The following MAGI3 variants were observed in gnomAD, a reference collection of about 807,000 sequenced individuals.
MAGI3 encodes the protein membrane associated guanylate kinase, WW and PDZ domain containing 3, also known as membrane-associated guanylate kinase, WW and PDZ domain-containing protein 3.
Under a neutral mutation model 121.8 loss-of-function variants are expected in MAGI3, and 43 were observed. The observed-to-expected ratio is 0.35, with a 90% CI of 0.28 to 0.46. MAGI3 has a LOEUF of 0.46. Ranked by LOEUF, MAGI3 falls within the 20% of genes least tolerant of loss-of-function variation. The pLI, the probability that MAGI3 is intolerant of heterozygous loss-of-function variation, is 1.00. For missense variants in MAGI3, 1,547 were observed against 1,797.3 expected (o/e 0.86, Z 2.52); for synonymous variants, 553 against 639.3 (o/e 0.86, Z 2.04).
At chr1:113,543,211 G>A (rs1018463540) in intron 1 of MAGI3, among the ~76,000 whole-genome samples, 7 of 152,094 alleles carry the variant, frequency 4.6e-5, no homozygotes, top group Non-Finnish European at 8.8e-5. Context: ...GAAGATAATC[G>A]ATTCAAATGG....
At chr1:113,633,256 T>G (rs1651771512) in intron 9 of MAGI3, among the ~76,000 whole-genome samples, 1 of 51,778 alleles carries the variant, frequency 1.9e-5, no homozygotes, top group South Asian at 1.0e-3. Flanking sequence ...TTTTTTTTTT[T>G]TTTTTTTTTT....
At chr1:113,451,203 T>C (rs1654467177) in intron 1 of MAGI3, among the ~76,000 whole-genome samples, 1 of 152,196 alleles carries the variant, frequency 6.6e-6, no homozygotes, top group South Asian at 2.1e-4. Context: ...CCGTTTGTTA[T>C]CAGGATTATG....
intron 1 of MAGI3, among the ~76,000 whole-genome samples, chr1:113,400,136 T>C (rs1051327803): frequency 6.6e-6 from 1 of 152,154 alleles, no homozygotes; most frequent in Admixed American, 6.6e-5. Context: ...GGATAAAATC[T>C]GATCCCCTTT....
At chr1:113,598,225 C>T (rs1393553452) in intron 6 of MAGI3, among the ~76,000 whole-genome samples, 1 of 151,090 alleles carries the variant, frequency 6.6e-6, no homozygotes, top group Non-Finnish European at 1.5e-5. Flanking sequence ...TCCCCCCACC[C>T]CCCCTCCAAA....
intron 6 of MAGI3, among the ~76,000 whole-genome samples, chr1:113,610,955 C>A (rs1234958392): frequency 6.6e-6 from 1 of 151,436 alleles, no homozygotes; most frequent in African/African-American, 2.4e-5. Context: ...AAAATAAAAA[C>A]CTGCCATTTC....
Position 113,585,601 on chromosome 1 carries a change from G to A in MAGI3, c.763+5G>A, listed in dbSNP as rs370798084. 12 of 1,606,204 alleles carry A rather than the reference G, an allele frequency of 7.5e-6. No individual in the cohort carries two copies. The highest frequency in any genetic ancestry group is 1.0e-5 in the Non-Finnish European group (12 of 1,174,120). On this transcript the variant is annotated splice_donor_5th_base_variant and intron_variant, in intron 4 of 20. Transcript: ENST00000307546. ...TTAATGGCAGTGGAAACGCAGGTTT[G>A]TAAATAGATGAACAACTTCTAACTG...
chr1:113,482,904 C>G (rs1047083692), intron 1 of MAGI3, among the ~76,000 whole-genome samples: 1 of 151,848 alleles, frequency 6.6e-6, no homozygotes, highest in East Asian at 1.9e-4. Flanking sequence ...CTCCTGGGCT[C>G]AAGCCATCCT....
At chr1:113,654,049 CT>C (rs760080351) in intron 15 of MAGI3, 31 bp downstream of exon 15, 2 of 1,544,332 alleles carry the variant, frequency 1.3e-6, no homozygotes, top group East Asian at 4.6e-5. Context: ...TTGTCTCTCC[CT>C]GCAAGTCCAG....
chr1:113,583,701 C>T (rs981626610), intron 3 of MAGI3, among the ~76,000 whole-genome samples: 2 of 151,982 alleles, frequency 1.3e-5, no homozygotes, highest in South Asian at 2.1e-4. Flanking sequence ...CCCAGAGAAG[C>T]GTGACTGGCT....
At chr1:113,669,676 C>T (rs1647406164) in intron 16 of MAGI3, among the ~76,000 whole-genome samples, 2 of 152,130 alleles carry the variant, frequency 1.3e-5, no homozygotes, top group African/African-American at 2.4e-5. Context: ...ACTACAGGCA[C>T]ATGCCACCAC....
intron 12 of MAGI3, 40 bp downstream of exon 12, chr1:113,646,682 G>A (rs1652872411): frequency 1.4e-6 from 2 of 1,453,882 alleles, no homozygotes; most frequent in African/African-American, 2.8e-5. Flanking sequence ...CATATAACAA[G>A]ATAAATTTGG....
At chr1:113,509,167 C>T (rs1039690208) in intron 1 of MAGI3, among the ~76,000 whole-genome samples, 1 of 151,742 alleles carries the variant, frequency 6.6e-6, no homozygotes, top group Non-Finnish European at 1.5e-5. Context: ...AGAAATTTTT[C>T]CCAGCCCAAA....
chr1:113,526,153 A>T (rs1334865943), intron 1 of MAGI3, among the ~76,000 whole-genome samples: 1 of 152,228 alleles, frequency 6.6e-6, no homozygotes, highest in East Asian at 1.9e-4. Context: ...TTTAATATTT[A>T]TTGAGCTCTT....
At chr1:113,460,373 G>A (rs1654969440) in intron 1 of MAGI3, among the ~76,000 whole-genome samples, 1 of 152,148 alleles carries the variant, frequency 6.6e-6, no homozygotes, top group African/African-American at 2.4e-5. Flanking sequence ...AGACAAGGAT[G>A]TCCTGTCTTA....
At chr1:113,671,941 C>G in intron 17 of MAGI3, 105 bp downstream of exon 17, 1 of 1,007,534 alleles carries the variant, frequency 9.9e-7, no homozygotes, top group Non-Finnish European at 1.5e-6. Flanking sequence ...TGCAGTAATG[C>G]AGATGCCAGC....
At chr1:113,531,356 A>G (rs1658710449) in intron 1 of MAGI3, among the ~76,000 whole-genome samples, 1 of 152,072 alleles carries the variant, frequency 6.6e-6, no homozygotes, top group African/African-American at 2.4e-5. Flanking sequence ...AAAGCAGAAT[A>G]ATTTTTAGTT....
At chr1:113,678,041 C>T (rs1647983804) in intron 19 of MAGI3, among the ~76,000 whole-genome samples, 3 of 152,094 alleles carry the variant, frequency 2.0e-5, no homozygotes. Context: ...CCCCCTCCTT[C>T]CCCTCATTCA....
At chr1:113,682,544 A>G in intron 20 of MAGI3, 3 of 1,231,232 alleles carry the variant, frequency 2.4e-6, no homozygotes, top group Non-Finnish European at 2.0e-6. Context: ...AATTCATAAT[A>G]ATTAGTGAGC....
intron 2 of MAGI3, among the ~76,000 whole-genome samples, chr1:113,566,792 A>G (rs1258425935): frequency 6.6e-6 from 1 of 152,118 alleles, no homozygotes; most frequent in African/African-American, 2.4e-5. Flanking sequence ...TAGTAAAAGC[A>G]GTACTAAGAG....
Sources: gnomAD v4.1 joint callset for allele counts (sites outside exome capture counted in the v4.1 genomes callset) on GRCh38, gnomAD v4.1.1 for gene constraint, MANE v1.5 for transcripts, NCBI Gene and HGNC (gene_info 2026-07-23, HGNC 2026-07-21) for gene names.